Variants in SPATA7 observed in about 807,000 individuals in gnomAD.
The protein encoded by SPATA7 is spermatogenesis associated 7.
SPATA7 carries 43 observed loss-of-function variants against 51.8 expected under a neutral mutation model. The ratio of observed to expected loss-of-function variants is 0.83; its 90% CI spans 0.65 to 1.07. The LOEUF (loss-of-function observed/expected upper bound fraction) is 1.07. SPATA7 is among the 50% of genes least tolerant of loss of function. The pLI, the probability that SPATA7 is intolerant of heterozygous loss-of-function variation, is 0.00. For missense variants in SPATA7, 683 were observed against 701.3 expected (o/e 0.97, Z 0.30); for synonymous variants, 230 against 252.8 (o/e 0.91, Z 0.86).
intron 3 of SPATA7, among the ~76,000 whole-genome samples, chr14:88,447,197 G>T (rs1391804076): frequency 6.7e-6 from 1 of 150,138 alleles, no homozygotes; most frequent in Admixed American, 6.6e-5. Context: ...ATTTAGGATA[G>T]TTAGCTCTTC....
At chr14:88,453,948 T>C (rs1313386337) in intron 3 of SPATA7, among the ~76,000 whole-genome samples, 1 of 152,222 alleles carries the variant, frequency 6.6e-6, no homozygotes, top group African/African-American at 2.4e-5. Flanking sequence ...TTCTGCTTTG[T>C]GCTCATATTC....
At chr14:88,401,280 A>G (rs1032066669) in intron 4 of SPATA7, among the ~76,000 whole-genome samples, 4 of 152,202 alleles carry the variant, frequency 2.6e-5, no homozygotes, top group African/African-American at 7.2e-5. Context: ...CAGAAAAACC[A>G]TTTGACAAAA....
downstream of SPATA7, among the ~76,000 whole-genome samples, chr14:88,442,111 C>T (rs556403624): frequency 1.7e-4 from 26 of 152,234 alleles, no homozygotes; most frequent in Non-Finnish European, 3.5e-4. Flanking sequence ...TGACAGTCAG[C>T]TGACTGCAAA....
chr14:88,459,087 C>T (rs1264218641), downstream of SPATA7, among the ~76,000 whole-genome samples: 4 of 152,236 alleles, frequency 2.6e-5, no homozygotes, highest in East Asian at 3.9e-4. Context: ...GTCTGAGAGA[C>T]AGTTTGTTAT....
intron 4 of SPATA7, among the ~76,000 whole-genome samples, chr14:88,397,151 A>G (rs749788270): frequency 6.6e-6 from 1 of 151,912 alleles, no homozygotes; most frequent in Non-Finnish European, 1.5e-5. Flanking sequence ...CAGTCCCCCA[A>G]AGTGCTGGGA....
chr14:88,391,040 C>T (rs1047511729), intron 1 of SPATA7, among the ~76,000 whole-genome samples: 3 of 152,164 alleles, frequency 2.0e-5, no homozygotes, highest in Non-Finnish European at 1.5e-5. Flanking sequence ...TAGCTCGATA[C>T]TTCTTTTTTC....
chr14:88,416,086 C>G (rs368587999), intron 4 of SPATA7: 2 of 152,352 alleles, frequency 1.3e-5, no homozygotes, highest in African/African-American at 4.8e-5. Flanking sequence ...GAAGCAGATG[C>G]TGGCATTGTG....
Position 88,407,842 on chromosome 14 carries a change from C to T in SPATA7, c.239-8869C>T, listed in dbSNP as rs201658456. ...TCTGCATATGGCTAGCCAGTTTTCC[C>T]AACACTGTTTGTTAAATAGGGACTC... On this transcript the variant is annotated intron_variant, in intron 4 of 11. Transcript: ENST00000393545. Among the ~76,000 whole-genome samples the T allele has an allele frequency of 3.9e-5, 6 of 152,248 alleles. No homozygotes were observed. In the East Asian group the frequency reaches 1.2e-3, roughly 29 times the overall value.
At chr14:88,441,437 G>A (rs762571049), downstream of SPATA7, among the ~76,000 whole-genome samples, 4 of 152,114 alleles carry the variant, frequency 2.6e-5, no homozygotes, top group African/African-American at 4.8e-5. Context: ...GTTTTCCATA[G>A]TGGTTGCACT....
chr14:88,386,159 A>G, intron 1 of SPATA7: 1 of 707,950 alleles, frequency 1.4e-6, no homozygotes, highest in Non-Finnish European at 2.1e-6. Context: ...CTTTGGAGTC[A>G]GACCTCCCCG....
At chr14:88,448,255 C>A (rs1005712900) in intron 3 of SPATA7, among the ~76,000 whole-genome samples, 7 of 152,106 alleles carry the variant, frequency 4.6e-5, no homozygotes, top group Non-Finnish European at 1.5e-5. Flanking sequence ...TCGCTGATAC[C>A]CTTTCTTCCA....
Position 88,469,033 on chromosome 14 carries a change from G to A in SPATA7, c.255-814G>A, listed in dbSNP as rs778354260. On this transcript the variant is annotated intron_variant, in intron 4 of 4. Transcript: ENST00000556406. This position sits in a 1 kb window ranked among gnomAD's most constrained non-coding sequence, Gnocchi z 4.3. ...GGTTGGGGCTTTGGGGATCACTTGT[G>A]CTATTTGTATGGCGTCGAACAGACT... 6.2e-7 allele frequency: 1 copy of A among 1,614,166 alleles called. No individual in the cohort carries two copies. The highest frequency in any genetic ancestry group is 1.7e-5 in the Admixed American group (1 of 60,024).
At chr14:88,412,439 C>CA (rs2076367603) in intron 4 of SPATA7, among the ~76,000 whole-genome samples, 1 of 152,122 alleles carries the variant, frequency 6.6e-6, no homozygotes, top group Admixed American at 6.6e-5. Context: ...GGGCAGGAAG[C>CA]ATCCAGCACA....
chr14:88,442,292 C>T (rs866930571), downstream of SPATA7, among the ~76,000 whole-genome samples: 37 of 151,980 alleles, frequency 2.4e-4, no homozygotes, highest in African/African-American at 8.2e-4. Context: ...TGGGTTCAAG[C>T]GATTCTCCGA....
Position 88,438,120 on chromosome 14 carries a change from C to T in SPATA7, c.1498C>T (p.His500Tyr). 6.2e-7 allele frequency: 1 copy of T among 1,613,912 alleles called. No homozygotes were observed. The highest frequency in any genetic ancestry group is 8.5e-7 in the Non-Finnish European group (1 of 1,179,946). Residue 500 changes from histidine (H) to tyrosine (Y), a missense_variant, in exon 12 of 12, where the codon CAT (histidine) becomes TAT (tyrosine). Physicochemically the swap from His to Tyr is moderately conservative, Grantham distance 83. Transcript: ENST00000393545. ...TTTCATGCCTATTTATAAATCAAAGCATTCAGAAGGGGTTATAATTCAACA... is the reference window on the plus strand; with the variant it reads ...TTTCATGCCTATTTATAAATCAAAGTATTCAGAAGGGGTTATAATTCAACA... ...EFFMPIYKSK[H>Y]SEGVIIQQVN...
intron 3 of SPATA7, among the ~76,000 whole-genome samples, chr14:88,395,014 A>G (rs970118867): frequency 2.6e-5 from 4 of 152,056 alleles, no homozygotes; most frequent in Non-Finnish European, 4.4e-5. Flanking sequence ...CAGATTCTAT[A>G]TCAGATATAT....
chr14:88,444,820 C>T (rs1244008661), intron 3 of SPATA7, among the ~76,000 whole-genome samples: 2 of 152,162 alleles, frequency 1.3e-5, no homozygotes, highest in Admixed American at 1.3e-4. Context: ...TTTCTGAGGC[C>T]TCTGTTCTGT....
chr14:88,410,211 T>C (rs2076302599), intron 4 of SPATA7, among the ~76,000 whole-genome samples: 1 of 152,158 alleles, frequency 6.6e-6, no homozygotes, highest in Admixed American at 6.5e-5. Flanking sequence ...CCCACTGTTA[T>C]TGTGTGGCAG....
chr14:88,385,833 G>A lies in SPATA7; in HGVS notation c.15G>A (p.Arg5=). The part of the protein sequence containing the change: MDGS[R]RVRATSVLPR... ...GAGGACTAAGCATGGATGGCAGCCG[G>A]AGAGGTAAAGGGCAGCTGTCAGGGG... The change falls in exon 1 of 12, where the codon CGG becomes CGA. Residue 5 remains arginine, a synonymous_variant. Coordinates refer to ENST00000393545, the MANE Select transcript of SPATA7 (RefSeq NM_018418.5). 6.2e-7 allele frequency: 1 copy of A among 1,604,116 alleles called. No homozygotes were observed. Among genetic ancestry groups the A allele is most frequent in the Non-Finnish European group, 8.5e-7 (1 of 1,176,056 alleles).
Sources: gnomAD v4.1 joint callset for allele counts (sites outside exome capture counted in the v4.1 genomes callset) on GRCh38, gnomAD v4.1.1 for gene constraint, Gnocchi (gnomAD v3.1) non-coding constraint, MANE v1.5 for transcripts, NCBI Gene and HGNC (gene_info 2026-07-23, HGNC 2026-07-21) for gene names.